Variants in AP2A2 observed in about 807,000 individuals in gnomAD.
AP2A2 encodes the protein adaptor related protein complex 2 subunit alpha 2, also known as AP-2 complex subunit alpha-2.
AP2A2 carries 32 observed loss-of-function variants against 104.2 expected under a neutral mutation model. That is an observed-to-expected ratio of 0.31 (90% CI 0.23 to 0.41). AP2A2 has a LOEUF of 0.41. Ranked by LOEUF, AP2A2 falls within the 10% of genes least tolerant of loss-of-function variation. The pLI is 1.00. For synonymous variants in AP2A2, 539 were observed against 533.3 expected (o/e 1.01, Z -0.15); for missense variants, 912 against 1,261.0 (o/e 0.72, Z 4.19).
chr11:996,152 A>T (rs1180828599), intron 14 of AP2A2: 1 of 152,288 alleles, frequency 6.6e-6, no homozygotes, highest in Non-Finnish European at 1.5e-5. Flanking sequence ...GAGCTGCCGG[A>T]GCAGGGGCCT....
chr11:994,627 T>C (rs1855785759), intron 14 of AP2A2, among the ~76,000 whole-genome samples: 1 of 142,764 alleles, frequency 7.0e-6, no homozygotes, highest in East Asian at 2.2e-4. Context: ...CACACCCTGC[T>C]GGCCTGTCCC....
intron 10 of AP2A2, among the ~76,000 whole-genome samples, chr11:991,950 C>T (rs1396479451): frequency 1.3e-5 from 2 of 152,040 alleles, no homozygotes; most frequent in Non-Finnish European, 2.9e-5. Flanking sequence ...GGGTGGCTGC[C>T]ACGTGGGTGT....
At position 925,950 on chromosome 11, in the gene AP2A2, A is replaced by G; in HGVS notation, c.-72A>G. The stretch of plus-strand genomic sequence containing the variant: ...CCTCCGCGGCGGTGACGGCGACCGC[A>G]CTCCCCGCTTCCCGCTCCCCGCGCT... On this transcript the variant is annotated 5_prime_UTR_variant, in exon 1 of 22. Coordinates refer to ENST00000448903, the MANE Select transcript of AP2A2 (RefSeq NM_012305.4). 5 of 1,197,232 alleles carry G rather than the reference A, an allele frequency of 4.2e-6. No homozygotes were observed. Among genetic ancestry groups the G allele is most frequent in the Non-Finnish European group, 5.5e-6 (5 of 912,508 alleles). The allele number at this position is 1,197,232 out of a possible 1,614,324, so 74.2% of individuals were successfully genotyped here.
At chr11:983,626 G>A (rs78721871) in intron 6 of AP2A2, among the ~76,000 whole-genome samples, 3,051 of 151,658 alleles carry the variant, frequency 0.02, 42 homozygotes, top group Non-Finnish European at 0.027. Flanking sequence ...CTTGTGATCC[G>A]CCCGCCTTGG....
At chr11:994,961 G>T (rs1248172123) in intron 14 of AP2A2, among the ~76,000 whole-genome samples, 5 of 125,982 alleles carry the variant, frequency 4.0e-5, no homozygotes, top group African/African-American at 1.1e-4. Flanking sequence ...CCGCTGGCTT[G>T]TCCCGGGGGC....
At chr11:972,000 CAG>C (rs905646441) in intron 3 of AP2A2, 60 bp from the exon 4 acceptor site, 1 of 1,491,846 alleles carries the variant, frequency 6.7e-7, no homozygotes. Flanking sequence ...TTGGGTGACT[CAG>C]GGCCACAGGT....
chr11:948,744 G>T (rs1222610960), intron 1 of AP2A2, among the ~76,000 whole-genome samples: 1 of 152,106 alleles, frequency 6.6e-6, no homozygotes, highest in Non-Finnish European at 1.5e-5. Flanking sequence ...GTGCACACTG[G>T]TAATCCCAGC....
intron 1 of AP2A2, among the ~76,000 whole-genome samples, chr11:936,264 G>T (rs1853457702): frequency 6.9e-6 from 1 of 145,596 alleles, no homozygotes; most frequent in Non-Finnish European, 1.5e-5. Flanking sequence ...CCAGGCTGGA[G>T]TGCAGTGGTG....
rs542990418 is a variant in AP2A2 at position 1,011,706 on chromosome 11, A to G, written c.*1081A>G. The G allele has an allele frequency of 8.9e-6, 3 of 335,624 alleles. No individual in the cohort carries two copies. Among genetic ancestry groups the G allele is most frequent in the South Asian group, 6.7e-5 (3 of 44,978 alleles). 20.8% of individuals were successfully genotyped at this position (335,624 alleles called of 1,614,324 possible). ...TGTTTGTCCTAAACACACCCAGCAC[A>G]GGTTCTGGCTTCCTGACATGCTGTG... On this transcript the variant is annotated 3_prime_UTR_variant, in exon 22 of 22. Coordinates refer to ENST00000448903, the MANE Select transcript of AP2A2 (RefSeq NM_012305.4).
intron 5 of AP2A2, 56 bp from the exon 6 acceptor site, chr11:981,142 G>A: frequency 1.4e-6 from 2 of 1,457,482 alleles, no homozygotes; most frequent in South Asian, 2.5e-5. Flanking sequence ...GAAGATGAGT[G>A]AACACAAGTG....
chr11:962,839 A>G (rs996164882), intron 2 of AP2A2, among the ~76,000 whole-genome samples: 10 of 152,126 alleles, frequency 6.6e-5, no homozygotes, highest in African/African-American at 2.2e-4. Flanking sequence ...CCCCTCCTAC[A>G]CAGTGATCTG....
rs199994300 is a variant in AP2A2 at position 985,508 on chromosome 11, G to A, written c.888G>A (p.Ser296=). Residue 296 remains serine (S), a synonymous_variant, in exon 8 of 22, where the codon TCG becomes TCA. Coordinates refer to ENST00000448903, the MANE Select transcript of AP2A2 (RefSeq NM_012305.4). ...ACAAAGCCCAAGAACCGCCCAAGTCGAAGAAGGTCCAGCACTCCAACGCGA... is the reference window on the plus strand; with the variant it reads ...ACAAAGCCCAAGAACCGCCCAAGTCAAAGAAGGTCCAGCACTCCAACGCGA... ...ILNKAQEPPK[S]KKVQHSNAKN... The A allele has an allele frequency of 1.9e-5, 30 of 1,613,854 alleles. No individual in the cohort carries two copies. In the African/African-American group the frequency reaches 2.7e-4, roughly 14 times the overall value.
At position 993,781 on chromosome 11, in the gene AP2A2, C is replaced by T; in HGVS notation, c.1578C>T (p.His526=). ...SSPLIQFHLL[H]SKFHLCSVPT... Reference sequence around the variant, plus strand: ...CGCTGATCCAGTTCCACCTGCTGCACTCCAAGTTCCACCTGTGCAGCGTCC... The same window carrying T: ...CGCTGATCCAGTTCCACCTGCTGCATTCCAAGTTCCACCTGTGCAGCGTCC... Residue 526 remains histidine, a synonymous_variant, in exon 13 of 22, where the codon CAC becomes CAT. Coordinates refer to ENST00000448903, the MANE Select transcript of AP2A2 (RefSeq NM_012305.4). The surrounding 1 kb of genome is among the most constrained non-coding windows in gnomAD (Gnocchi z 8.2). 1 of 1,604,508 alleles carries T rather than the reference C, an allele frequency of 6.2e-7. No individual in the cohort carries two copies. The highest frequency in any genetic ancestry group is 8.5e-7 in the Non-Finnish European group (1 of 1,178,024).
intron 1 of AP2A2, among the ~76,000 whole-genome samples, chr11:930,120 CAAAA>C (rs1157025547): frequency 5.6e-4 from 29 of 52,004 alleles, no homozygotes; most frequent in African/African-American, 1.6e-3. Flanking sequence ...GACTCTGTCT[CAAAA>C]AAAAAAAAAA....
chr11:993,744 C>G lies in AP2A2; in HGVS notation c.1551-10C>G. On this transcript the variant is annotated splice_polypyrimidine_tract_variant and intron_variant, in intron 12 of 21. Transcript: ENST00000448903. This position sits in a 1 kb window ranked among gnomAD's most constrained non-coding sequence, Gnocchi z 8.2. ...GACGGTGTCCCTGTGTTGTGCCTCCCCGTCCCCAGCCCGCTGATCCAGTTC... is the reference window on the plus strand; with the variant it reads ...GACGGTGTCCCTGTGTTGTGCCTCCGCGTCCCCAGCCCGCTGATCCAGTTC... The G allele has an allele frequency of 2.5e-6, 4 of 1,574,956 alleles. No individual in the cohort carries two copies. Among genetic ancestry groups the G allele is most frequent in the Non-Finnish European group, 3.4e-6 (4 of 1,163,438 alleles).
intron 2 of AP2A2, among the ~76,000 whole-genome samples, chr11:964,053 T>C (rs563398836): frequency 1.3e-5 from 2 of 152,296 alleles, no homozygotes; most frequent in East Asian, 3.9e-4. Flanking sequence ...GAGCCTTGTC[T>C]AGAGGGATGA....
chr11:947,627 C>T (rs1853893715), intron 1 of AP2A2, among the ~76,000 whole-genome samples: 1 of 152,034 alleles, frequency 6.6e-6, no homozygotes, highest in African/African-American at 2.4e-5. Flanking sequence ...AAAACCCCAT[C>T]TCTACTAAAA....
intron 16 of AP2A2, among the ~76,000 whole-genome samples, chr11:1,005,521 A>AT (rs1491556843): frequency 3.9e-5 from 6 of 152,232 alleles, no homozygotes; most frequent in African/African-American, 1.4e-4. Flanking sequence ...GGAGAAAGAC[A>AT]TAAAAAAGCC....
intron 1 of AP2A2, among the ~76,000 whole-genome samples, chr11:935,963 A>G (rs1298845854): frequency 1.4e-5 from 2 of 142,816 alleles, no homozygotes; most frequent in Admixed American, 1.4e-4. Context: ...GTGCAATGGC[A>G]CTATCTCGGC....
Sources: allele counts gnomAD v4.1 joint callset (sites outside exome capture counted in the v4.1 genomes callset), GRCh38; gene constraint gnomAD v4.1.1; non-coding constraint Gnocchi (gnomAD v3.1); transcripts MANE v1.5; gene names NCBI Gene and HGNC (gene_info 2026-07-23, HGNC 2026-07-21).